The following STK10 variants were observed in gnomAD, a reference collection of about 807,000 sequenced individuals.
STK10 encodes the protein serine/threonine kinase 10.
In STK10, 78 loss-of-function variants were observed where a neutral mutation model predicts 113.8. That is an observed-to-expected ratio of 0.69 (90% CI 0.57 to 0.83). The LOEUF (loss-of-function observed/expected upper bound fraction) is 0.83, where lower values mean the gene tolerates loss of function less well. STK10 is among the 40% of genes least tolerant of loss of function. The pLI is 0.00. For synonymous variants in STK10, 465 were observed against 494.7 expected (o/e 0.94, Z 0.80); for missense variants, 1,109 against 1,280.1 (o/e 0.87, Z 2.04).
rs150948634 is a variant in STK10, at chr5:172,071,685, T to C, written c.1990-6873A>G. On this transcript the variant is annotated intron_variant, in intron 12 of 18. Coordinates refer to ENST00000176763, the MANE Select transcript of STK10 (RefSeq NM_005990.4). ...CTGGCAACGCCTCTTCCCACCTACT[T>C]AGGAACCATCATGTAAGGCTCCCTT... Among the ~76,000 whole-genome samples the C allele has an allele frequency of 1.8e-3, 275 of 151,988 alleles. 1 individual carries two copies. Among genetic ancestry groups the C allele is most frequent in the African/African-American group, 6.4e-3 (266 of 41,438 alleles).
At chr5:172,186,480 C>T (rs1210303458) in intron 1 of STK10, among the ~76,000 whole-genome samples, 8 of 151,738 alleles carry the variant, frequency 5.3e-5, no homozygotes, top group Admixed American at 1.3e-4. Context: ...AAAAATTAGC[C>T]GGGCTGTGGT....
intron 16 of STK10, among the ~76,000 whole-genome samples, chr5:172,055,052 G>T (rs750302480): frequency 1.3e-5 from 2 of 152,234 alleles, no homozygotes; most frequent in African/African-American, 4.8e-5. Context: ...AGGGAAGGGT[G>T]CAGGAGAATT....
At chr5:172,167,678 C>T (rs1319002408) in intron 1 of STK10, among the ~76,000 whole-genome samples, 3 of 152,140 alleles carry the variant, frequency 2.0e-5, no homozygotes, top group African/African-American at 4.8e-5. Context: ...AGCTACTAGC[C>T]GCACGTGGCT....
chr5:172,083,925 G>GAAAAA (rs58326550), intron 10 of STK10, among the ~76,000 whole-genome samples: 1 of 85,764 alleles, frequency 1.2e-5, no homozygotes, highest in African/African-American at 3.5e-5. Flanking sequence ...ACAAAAAAAA[G>GAAAAA]AAAAAAAAAA....
intron 12 of STK10, among the ~76,000 whole-genome samples, chr5:172,070,438 A>G (rs550483245): frequency 6.6e-6 from 1 of 152,198 alleles, no homozygotes; most frequent in South Asian, 2.1e-4. Flanking sequence ...AGTAATTGGT[A>G]TTGAATAAAA....
chr5:172,136,661 G>C (rs1769867794), intron 2 of STK10, among the ~76,000 whole-genome samples: 1 of 152,056 alleles, frequency 6.6e-6, no homozygotes, highest in Non-Finnish European at 1.5e-5. Context: ...CATAGGCAGA[G>C]CATGGCATTC....
intron 1 of STK10, 93 bp from the exon 2 acceptor site, chr5:172,156,881 C>T: frequency 1.4e-6 from 2 of 1,441,414 alleles, no homozygotes; most frequent in Non-Finnish European, 1.9e-6. Context: ...AGTGTGAAAA[C>T]AGAGGCCGGA....
intron 4 of STK10, among the ~76,000 whole-genome samples, chr5:172,110,310 GAC>G (rs1356912195): frequency 4.6e-5 from 7 of 152,286 alleles, no homozygotes; most frequent in African/African-American, 1.7e-4. Context: ...TTGGAGGAAG[GAC>G]AGTTTTATTC....
At position 172,148,966 on chromosome 5, in the gene STK10, G is replaced by A. The variant is rs181865945; in HGVS notation, c.321+7658C>T. ...TTTGGGAGGCGGAGGGAGGCAAATC[G>A]CTTGAGTCCAGTAGTTGGAGACCAG... On this transcript the variant is annotated intron_variant, in intron 2 of 18. Coordinates refer to ENST00000176763, the MANE Select transcript of STK10 (RefSeq NM_005990.4). Among the ~76,000 whole-genome samples, 298 of 152,282 alleles carry A rather than the reference G, an allele frequency of 2.0e-3. 1 individual carries two copies. Among genetic ancestry groups the A allele is most frequent in the Admixed American group, 3.4e-3 (52 of 15,298 alleles).
At chr5:172,065,025 C>G (rs940427450) in intron 12 of STK10, among the ~76,000 whole-genome samples, 2 of 152,214 alleles carry the variant, frequency 1.3e-5, no homozygotes, top group African/African-American at 4.8e-5. Flanking sequence ...GCTTCCAACT[C>G]CCCCAGAGTG....
chr5:172,084,218 A>G (rs1308037722), intron 10 of STK10, among the ~76,000 whole-genome samples: 1 of 151,906 alleles, frequency 6.6e-6, no homozygotes, highest in Non-Finnish European at 1.5e-5. Flanking sequence ...CCTGACCAAC[A>G]TGGAGAACCC....
intron 3 of STK10, among the ~76,000 whole-genome samples, chr5:172,126,759 C>A (rs1033280965): frequency 7.9e-5 from 12 of 152,188 alleles, no homozygotes; most frequent in Non-Finnish European, 2.9e-5. Flanking sequence ...CTGACACTGT[C>A]CCCACAGAGC....
intron 17 of STK10, among the ~76,000 whole-genome samples, chr5:172,053,673 G>C (rs1767681907): frequency 6.6e-6 from 1 of 152,246 alleles, no homozygotes; most frequent in Admixed American, 6.5e-5. Context: ...AGCTTATAAA[G>C]CAGGGGGAAG....
intron 10 of STK10, among the ~76,000 whole-genome samples, chr5:172,089,284 G>A (rs1768634625): frequency 1.3e-5 from 2 of 152,216 alleles, no homozygotes; most frequent in African/African-American, 4.8e-5. Flanking sequence ...CACAATCAGG[G>A]ATTATCTTGT....
In STK10 at chr5:172,055,651, G is replaced by T. The variant is rs1269519725; in HGVS notation, c.2463C>A (p.Tyr821Ter). Residue 821 changes from tyrosine (Y) to a stop codon, truncating the protein, a stop_gained, in exon 16 of 19, where the codon TAC becomes TAA. Transcript: ENST00000176763. LOFTEE classifies it high-confidence loss of function. The stretch of plus-strand genomic sequence containing the variant: ...CGCCGTTGATGTGGAGGCTCTTCTT[G>T]TACATGGCCATGCGCGTCTTGCCCT... ...RSEGKTRMAMYKKSLHINGGG... is the reference protein window; with the variant it reads ...RSEGKTRMAM 3 of 1,579,384 alleles carry T rather than the reference G, an allele frequency of 1.9e-6. No individual in the cohort carries two copies. The highest frequency in any genetic ancestry group is 2.6e-6 in the Non-Finnish European group (3 of 1,160,812).
At chr5:172,112,105 A>T (rs3103579) in intron 4 of STK10, among the ~76,000 whole-genome samples, 22,115 of 152,222 alleles carry the variant, frequency 0.15, 1,775 homozygotes, top group African/African-American at 0.21. Flanking sequence ...GCTCTTAAAA[A>T]GAATGAGGCT....
rs796522947 is a variant in STK10, at chr5:172,128,342, C to CTT, written c.322-923_322-922dup. On this transcript the variant is annotated intron_variant, in intron 2 of 18. Coordinates refer to ENST00000176763, the MANE Select transcript of STK10 (RefSeq NM_005990.4). ...TGCTTTTTCTTTTCTTTCTTCTTTC[C>CTT]TTTTTTTTTTTTTTTTTAGACAGAC... Among the ~76,000 whole-genome samples the CTT allele has an allele frequency of 2.2e-3, 304 of 135,740 alleles. 3 individuals carry two copies. The highest frequency in any genetic ancestry group is 2.9e-3 in the Non-Finnish European group (186 of 63,680). 89.1% of individuals were successfully genotyped at this position (135,740 alleles called of 152,430 possible).
chr5:172,162,136 T>C (rs574515894), intron 1 of STK10, among the ~76,000 whole-genome samples: 10 of 151,986 alleles, frequency 6.6e-5, no homozygotes, highest in African/African-American at 2.4e-4. Context: ...AAGTCAAGGG[T>C]TGGGGACCAG....
At chr5:172,164,210 C>CA (rs1770522753) in intron 1 of STK10, among the ~76,000 whole-genome samples, 1 of 80,034 alleles carries the variant, frequency 1.2e-5, no homozygotes, top group South Asian at 4.2e-4. Context: ...GAAACTCCAT[C>CA]TAAAAAAAAA....
Sources: allele counts gnomAD v4.1 joint callset (sites outside exome capture counted in the v4.1 genomes callset), GRCh38; gene constraint gnomAD v4.1.1; transcripts MANE v1.5; gene names NCBI Gene and HGNC (gene_info 2026-07-23, HGNC 2026-07-21).